The following ARHGEF12 variants were observed in gnomAD, a reference collection of about 807,000 sequenced individuals.
ARHGEF12 encodes Rho guanine nucleotide exchange factor 12, also known as KMT2A/ARHGEF12 fusion protein.
In ARHGEF12, 66 loss-of-function variants were observed where a neutral mutation model predicts 211.2. The ratio of observed to expected loss-of-function variants is 0.31; its 90% confidence interval spans 0.26 to 0.38. The LOEUF is 0.38. Among genes scored for constraint, ARHGEF12 ranks in the 10% least tolerant of loss-of-function variants. The pLI is 1.00. For synonymous variants in ARHGEF12, 592 were observed against 638.4 expected, an observed-to-expected ratio of 0.93 and a Z score of 1.09; for missense variants, 1,429 against 1,869.5, an observed-to-expected ratio of 0.76 and a Z score of 4.34.
intron 1 of ARHGEF12, among the ~76,000 whole-genome samples, chr11:120,402,334 T>G (rs1488123687): frequency 6.6e-6 from 1 of 152,224 alleles, no homozygotes; most frequent in African/African-American, 2.4e-5. Flanking sequence ...CCTGCATTGT[T>G]GTCTGATTTG....
chr11:120,390,085 G>C (rs192307678), intron 1 of ARHGEF12, among the ~76,000 whole-genome samples: 9 of 152,010 alleles, frequency 5.9e-5, no homozygotes, highest in Non-Finnish European at 1.3e-4. Flanking sequence ...TGCTGTTCCG[G>C]GTCTCTACAG....
Position 120,428,160 on chromosome 11 carries a change from T to C in ARHGEF12, c.498T>C (p.Ile166=). ...ACTCTGAAGTAGAGCCGTCAGTCAT[T>C]GGACATATGTCTCCCATCATGACAT... ...LADSEVEPSV[I]GHMSPIMTSP... is the part of the protein sequence containing the mutation. The change falls in exon 8 of 41, where the codon ATT becomes ATC. Residue 166 remains isoleucine (I), a synonymous_variant. Transcript: ENST00000397843. The C allele has an allele frequency of 6.2e-7, 1 of 1,611,904 alleles. No individual in the cohort carries two copies.
Position 120,448,295 on chromosome 11 carries a change from C to T in ARHGEF12, c.1684C>T (p.Pro562Ser). ...GCATTTGGGAGTAAAAGTGAAAGAGCCTCGAAATTTGGAGCACAAACGGGG... is the reference window on the plus strand; with the variant it reads ...GCATTTGGGAGTAAAAGTGAAAGAGTCTCGAAATTTGGAGCACAAACGGGG... The part of the protein sequence containing the change: ...MKHLGVKVKE[P>S]RNLEHKRGRI... Residue 562 changes from proline (P) to serine (S), a missense_variant, in exon 20 of 41, where the codon CCT (proline) becomes TCT (serine). By Grantham distance (74) the Pro-to-Ser change is moderately conservative (BLOSUM62 -1). Coordinates refer to ENST00000397843, the MANE Select transcript of ARHGEF12 (RefSeq NM_015313.3). 2 of 1,614,086 alleles carry T rather than the reference C, an allele frequency of 1.2e-6. No homozygotes were observed. Among genetic ancestry groups the T allele is most frequent in the Non-Finnish European group, 1.7e-6 (2 of 1,179,990 alleles).
chr11:120,418,731 G>A (rs1199204761), intron 4 of ARHGEF12, among the ~76,000 whole-genome samples: 1 of 152,162 alleles, frequency 6.6e-6, no homozygotes, highest in Non-Finnish European at 1.5e-5. Flanking sequence ...TTGGTGTATA[G>A]TGGTATCTCA....
intron 1 of ARHGEF12, among the ~76,000 whole-genome samples, chr11:120,376,809 C>T (rs1943739324): frequency 6.6e-6 from 1 of 152,116 alleles, no homozygotes; most frequent in Non-Finnish European, 1.5e-5. Context: ...CTACCCTTCC[C>T]AGCCTCTGGT....
At chr11:120,449,385 T>C (rs1239900677) in intron 21 of ARHGEF12, 171 bp downstream of exon 21, 1 of 581,568 alleles carries the variant, frequency 1.7e-6, no homozygotes, top group Non-Finnish European at 3.0e-6. Context: ...GTACCCCCTA[T>C]GTTGCTACAT....
At chr11:120,349,720 GAGCTCAGTAAGTTATAGT>G (rs1465582922) in intron 1 of ARHGEF12, among the ~76,000 whole-genome samples, 2 of 152,110 alleles carry the variant, frequency 1.3e-5, no homozygotes, top group African/African-American at 4.8e-5. Flanking sequence ...TCGTAAGAGA[GAGCTCAGTAAGTTATAGT>G]AGCTGTTATT....
intron 1 of ARHGEF12, among the ~76,000 whole-genome samples, chr11:120,360,032 G>A (rs1177238290): frequency 5.3e-5 from 8 of 152,162 alleles, no homozygotes; most frequent in Non-Finnish European, 1.2e-4. Context: ...AGACAAGTTT[G>A]GGAAGGTTTC....
chr11:120,365,006 C>T (rs1228202431), intron 1 of ARHGEF12, among the ~76,000 whole-genome samples: 2 of 151,884 alleles, frequency 1.3e-5, no homozygotes, highest in South Asian at 2.1e-4. Context: ...AGGCTGGTCT[C>T]GAACTTCTGG....
chr11:120,421,892 A>G (rs1945204058), intron 6 of ARHGEF12, 40 bp downstream of exon 6: 1 of 1,491,864 alleles, frequency 6.7e-7, no homozygotes, highest in South Asian at 1.2e-5. Context: ...GTAGGATTAA[A>G]AAACAACATA....
chr11:120,456,066 G>A (rs1946352496), intron 22 of ARHGEF12, among the ~76,000 whole-genome samples: 2 of 152,174 alleles, frequency 1.3e-5, no homozygotes, highest in Non-Finnish European at 2.9e-5. Context: ...TGGCAGGAAT[G>A]ATGTATATAT....
intron 1 of ARHGEF12, among the ~76,000 whole-genome samples, chr11:120,378,161 A>G (rs558296838): frequency 1.6e-4 from 24 of 152,320 alleles, no homozygotes; most frequent in African/African-American, 3.8e-4. Context: ...TACTTGTTCT[A>G]CATCCTCATC....
intron 1 of ARHGEF12, among the ~76,000 whole-genome samples, chr11:120,395,819 T>C (rs1436441977): frequency 6.6e-6 from 1 of 152,162 alleles, no homozygotes; most frequent in Non-Finnish European, 1.5e-5. Context: ...ATGGGAATTA[T>C]GGGAGCTACA....
intron 1 of ARHGEF12, among the ~76,000 whole-genome samples, chr11:120,362,402 C>T (rs1281772234): frequency 6.6e-6 from 1 of 152,150 alleles, no homozygotes; most frequent in African/African-American, 2.4e-5. Flanking sequence ...GAGTTAAATG[C>T]TTGTGTCTCA....
At position 120,336,440 on chromosome 11, in the gene ARHGEF12, G is replaced by A. The variant is rs1330823058; in HGVS notation, c.-804G>A. On this transcript the variant is annotated 5_prime_UTR_variant, in exon 1 of 41. Transcript: ENST00000397843. ...AACCCGGCGAGCCGGCCCTGCGCCG[G>A]GAGACGCCGCCGCCTCCGCCTCCCG... Among the ~76,000 whole-genome samples, 10 of 151,554 alleles carry A rather than the reference G, an allele frequency of 6.6e-5. No homozygotes were observed. Among genetic ancestry groups the A allele is most frequent in the Non-Finnish European group, 1.5e-4 (10 of 67,836 alleles).
At position 120,489,807 on chromosome 11, in the gene ARHGEF12, A is replaced by T. The variant is rs1014905952; in HGVS notation, c.*4730A>T. The T allele has an allele frequency of 1.1e-5, 2 of 187,636 alleles. No homozygotes were observed. The highest frequency in any genetic ancestry group is 2.2e-5 in the Non-Finnish European group (2 of 89,002). The allele number at this position is 187,636 out of a possible 1,614,324, so 11.6% of individuals were successfully genotyped here. A position where few individuals can be genotyped will look rare whatever the true frequency, so the allele number is the denominator to read the frequency against. ...TGGCTTTGTTTACAAACATATATCTATATCTATATATATAGATACAGATAC... is the reference window on the plus strand; with the variant it reads ...TGGCTTTGTTTACAAACATATATCTTTATCTATATATATAGATACAGATAC... On this transcript the variant is annotated 3_prime_UTR_variant, in exon 41 of 41. Transcript: ENST00000397843.
At chr11:120,445,342 C>G (rs951332945) in intron 15 of ARHGEF12, 80 bp from the exon 16 acceptor site, 2 of 1,409,170 alleles carry the variant, frequency 1.4e-6, no homozygotes, top group African/African-American at 2.8e-5. Flanking sequence ...AAGTTGTATC[C>G]CCTTACTTTA....
At chr11:120,442,505 ATAAT>A (rs1383249277) in intron 15 of ARHGEF12, among the ~76,000 whole-genome samples, 7 of 151,748 alleles carry the variant, frequency 4.6e-5, no homozygotes, top group Non-Finnish European at 1.0e-4. Context: ...TTGCATGTGC[ATAAT>A]TAGAGTGAGG....
At chr11:120,374,094 A>G (rs749097959) in intron 1 of ARHGEF12, among the ~76,000 whole-genome samples, 1 of 152,182 alleles carries the variant, frequency 6.6e-6, no homozygotes, top group Non-Finnish European at 1.5e-5. Flanking sequence ...GGCGTGAGCC[A>G]CCGCACCCGG....
Sources: allele counts gnomAD v4.1 joint callset (sites outside exome capture counted in the v4.1 genomes callset), GRCh38; gene constraint gnomAD v4.1.1; transcripts MANE v1.5; gene names NCBI Gene and HGNC (gene_info 2026-07-23, HGNC 2026-07-21).